PLPP5: variants seen among roughly 807,000 people sequenced by gnomAD.
PLPP5 encodes the protein diacylglycerol pyrophosphate like 1.
A neutral mutation model predicts 23.6 loss-of-function variants in PLPP5; 29 were observed. That is an observed-to-expected ratio of 1.23 (90% confidence interval 0.92 to 1.68). PLPP5 has a LOEUF of 1.68. Ranked by LOEUF, PLPP5 falls within the 40% of genes most tolerant of loss-of-function variation. The probability of loss-of-function intolerance (pLI) is 0.00; values close to 1 mark genes in which losing one functional copy is unlikely to be tolerated. For missense variants in PLPP5, 315 were observed against 332.1 expected, an observed-to-expected ratio of 0.95 and a Z score of 0.40; for synonymous variants, 143 against 131.3, an observed-to-expected ratio of 1.09 and a Z score of -0.61.
At chr8:38,265,335 G>A (rs2130917261) in intron 6 of PLPP5, among the ~76,000 whole-genome samples, 1 of 151,968 alleles carries the variant, frequency 6.6e-6, no homozygotes, top group South Asian at 2.1e-4. Flanking sequence ...TTAAAATAGG[G>A]TTCCTGAGGA....
In PLPP5 at chr8:38,269,217, G is replaced by A. The variant is rs1472301329; in HGVS notation, c.-18C>T. On this transcript the variant is annotated 5_prime_UTR_variant, in exon 1 of 7. Transcript: ENST00000424479. ...TTCCCCATCCGGCCGCGAGCTCCGAGCGACGCTGCGCTGACGTGGCCACCT... is the reference window on the plus strand; with the variant it reads ...TTCCCCATCCGGCCGCGAGCTCCGAACGACGCTGCGCTGACGTGGCCACCT... The A allele has an allele frequency of 2.0e-6, 3 of 1,486,570 alleles. No homozygotes were observed. The highest frequency in any genetic ancestry group is 2.3e-5 in the Admixed American group (1 of 44,440). 92.1% of individuals were successfully genotyped at this position (1,486,570 alleles called of 1,614,324 possible).
At chr8:38,264,986 T>C (rs1472301636) in intron 6 of PLPP5, 2 of 1,465,238 alleles carry the variant, frequency 1.4e-6, no homozygotes, top group African/African-American at 2.8e-5. Context: ...GAGTTGCTTC[T>C]CGCCGGGCAC....
At chr8:38,265,503 C>G (rs1807458288) in intron 6 of PLPP5, 1 of 152,012 alleles carries the variant, frequency 6.6e-6, no homozygotes, top group Non-Finnish European at 1.5e-5. Context: ...GTTGGTCAGG[C>G]TGGTCTTCAA....
At chr8:38,267,154 T>A in intron 5 of PLPP5, 113 bp downstream of exon 5, 1 of 1,584,802 alleles carries the variant, frequency 6.3e-7, no homozygotes. Flanking sequence ...AAGGGGGGAT[T>A]TTCCAAATTG....
intron 6 of PLPP5, 128 bp from the exon 7 acceptor site, chr8:38,264,732 CTT>C (rs1807317717): frequency 6.9e-7 from 1 of 1,442,386 alleles, no homozygotes; most frequent in Admixed American, 2.8e-5. Context: ...CAATTCCAGA[CTT>C]ATGATTTCTA....
In PLPP5 at chr8:38,263,615, C is replaced by T; in HGVS notation, c.*829G>A. On this transcript the variant is annotated 3_prime_UTR_variant, in exon 7 of 7. Coordinates refer to ENST00000424479, the MANE Select transcript of PLPP5 (RefSeq NM_001102559.2). The stretch of plus-strand genomic sequence containing the variant: ...GATGGCTGGACTCAGATAAGATGCA[C>T]ACAAAAGTGATAAATTACCCTAGAT... 1 of 985,394 alleles carries T rather than the reference C, an allele frequency of 1.0e-6. No individual in the cohort carries two copies. Among genetic ancestry groups the T allele is most frequent in the South Asian group, 4.7e-5 (1 of 21,294 alleles). The allele number at this position is 985,394 out of a possible 1,614,324, so 61.0% of individuals were successfully genotyped here.
chr8:38,268,621 C>A, intron 2 of PLPP5, 160 bp from the exon 3 acceptor site: 1 of 1,440,884 alleles, frequency 6.9e-7, no homozygotes, highest in South Asian at 1.5e-5. Context: ...TGAACAGCAG[C>A]GCCCGTGCGG....
chr8:38,264,485 T>G lies in PLPP5; in HGVS notation c.754A>C (p.Thr252Pro). Residue 252 changes from threonine (T) to proline (P), a missense_variant, in exon 7 of 7, where the codon ACT (threonine) becomes CCT (proline). By Grantham distance (38) the Thr-to-Pro change is conservative. Coordinates refer to ENST00000424479, the MANE Select transcript of PLPP5 (RefSeq NM_001102559.2). ...TAAGAATCCCCAGGCTTCTGTGCAGTGGAAAGTACAAGTTTGTCTTGAAAT... is the reference window on the plus strand; with the variant it reads ...TAAGAATCCCCAGGCTTCTGTGCAGGGGAAAGTACAAGTTTGTCTTGAAAT... ...KPFQDKLVLS[T>P]AQKPGDSYCF... The G allele has an allele frequency of 6.4e-7, 1 of 1,553,106 alleles. No homozygotes were observed. Among genetic ancestry groups the G allele is most frequent in the Non-Finnish European group, 8.7e-7 (1 of 1,147,680 alleles).
At chr8:38,269,084 G>T in intron 1 of PLPP5, 42 bp downstream of exon 1, 2 of 1,528,494 alleles carry the variant, frequency 1.3e-6, no homozygotes, top group Non-Finnish European at 8.8e-7. Flanking sequence ...CCGCCTGCCT[G>T]GGAAGCGGGG....
chr8:38,268,853 G>T, intron 2 of PLPP5, 29 bp downstream of exon 2: 1 of 1,526,722 alleles, frequency 6.5e-7, no homozygotes, highest in Non-Finnish European at 8.8e-7. Context: ...GTCATGGGGA[G>T]GGAGGAAAGA....
intron 4 of PLPP5, 95 bp downstream of exon 4, chr8:38,267,802 G>T: frequency 8.0e-7 from 1 of 1,245,174 alleles, no homozygotes; most frequent in Non-Finnish European, 1.2e-6. Context: ...AAGGAGAAAA[G>T]AATGAGAAAG....
At chr8:38,265,188 C>T (rs1413070621) in intron 6 of PLPP5, 1 of 444,408 alleles carries the variant, frequency 2.3e-6, no homozygotes, top group East Asian at 4.2e-5. Context: ...CTTGCTTGAA[C>T]CCAGGAGGTG....
intron 4 of PLPP5, 121 bp from the exon 5 acceptor site, chr8:38,267,512 T>TA: frequency 8.3e-7 from 1 of 1,211,198 alleles, no homozygotes; most frequent in South Asian, 1.5e-5. Flanking sequence ...CAAAATAAGG[T>TA]AACTGGCTTA....
chr8:38,265,508 C>T (rs1287653179), intron 6 of PLPP5: 1 of 152,014 alleles, frequency 6.6e-6, no homozygotes, highest in East Asian at 1.9e-4. Context: ...TCAGGCTGGT[C>T]TTCAACTCCT....
intron 1 of PLPP5, 22 bp downstream of exon 1, chr8:38,269,104 C>T (rs1211706522): frequency 1.0e-5 from 16 of 1,526,346 alleles, no homozygotes; most frequent in Non-Finnish European, 1.3e-5. Flanking sequence ...GCCGCCCGGG[C>T]CCGGCCGTGG....
In PLPP5 at chr8:38,265,129, GGTGGCAT is replaced by G. The variant is rs1445111929; in HGVS notation, c.635-532_635-526del. Reference sequence around the variant, plus strand: ...AAAAATACAAAAATTAGCCGGGCGTGGTGGCATGTGCCTGTAATCCCAGATACTCAGG... The same window carrying G: ...AAAAATACAAAAATTAGCCGGGCGTGGTGCCTGTAATCCCAGATACTCAGG... On this transcript the variant is annotated intron_variant, in intron 6 of 6. Transcript: ENST00000424479. 11 of 558,798 alleles carry G rather than the reference GGTGGCAT, an allele frequency of 2.0e-5. No homozygotes were observed. The African/African-American group carries it at 2.1e-4, about 11-fold the overall frequency. 34.6% of individuals were successfully genotyped at this position (558,798 alleles called of 1,614,324 possible). A position where few individuals can be genotyped will look rare whatever the true frequency, so the allele number is the denominator to read the frequency against.
At chr8:38,266,662 A>G (rs571529586) in intron 5 of PLPP5, among the ~76,000 whole-genome samples, 1 of 152,262 alleles carries the variant, frequency 6.6e-6, no homozygotes, top group Admixed American at 6.5e-5. Flanking sequence ...TGGCCTCCCA[A>G]TTGCTGGGAT....
At position 38,267,962 on chromosome 8, in the gene PLPP5, T is replaced by C. The variant is rs1472416683; in HGVS notation, c.275-2A>G. On this transcript the variant is annotated splice_acceptor_variant, in intron 3 of 6. Coordinates refer to ENST00000424479, the MANE Select transcript of PLPP5 (RefSeq NM_001102559.2). LOFTEE classifies it high-confidence loss of function. ...TCAGAGCCAGGGCAAGGCTGGCAGC[T>C]GCAAAGCAAAGCCATTAGTTGAAAG... 2.5e-6 allele frequency: 4 copies of C among 1,613,980 alleles called. No individual in the cohort carries two copies. Among genetic ancestry groups the C allele is most frequent in the Admixed American group, 1.7e-5 (1 of 60,022 alleles).
rs542608468 is a variant in PLPP5, at chr8:38,266,230, G to C, written c.545C>G (p.Ser182Cys). The change falls in exon 6 of 7, where the codon TCT becomes TGT. Residue 182 changes from serine to cysteine, a missense_variant. Ser to Cys is a moderately radical substitution (Grantham distance 112). Coordinates refer to ENST00000424479, the MANE Select transcript of PLPP5 (RefSeq NM_001102559.2). ...TGACAGAAAGGCACAGAACCTCCAA[G>C]ATTTCCCACGGCCTTGTGGTGTGAA... is the stretch of plus-strand genomic sequence containing the variant. ...HCFTPQGRGK[S>C]WRFCAFLSPL... 6.2e-7 allele frequency: 1 copy of C among 1,613,850 alleles called. No homozygotes were observed. Among genetic ancestry groups the C allele is most frequent in the Non-Finnish European group, 8.5e-7 (1 of 1,179,830 alleles).
Sources: gnomAD v4.1 joint callset for allele counts (sites outside exome capture counted in the v4.1 genomes callset) on GRCh38, gnomAD v4.1.1 for gene constraint, MANE v1.5 for transcripts, NCBI Gene and HGNC (gene_info 2026-07-23, HGNC 2026-07-21) for gene names.